ILDR1: variants seen among roughly 807,000 people sequenced by gnomAD.
The protein encoded by ILDR1 is immunoglobulin-like domain-containing receptor 1.
A neutral mutation model predicts 62.4 loss-of-function variants in ILDR1; 56 were observed. The observed-to-expected ratio is 0.90, with a 90% CI of 0.72 to 1.12. The LOEUF is 1.12. Among genes scored for constraint, ILDR1 ranks in the 50% most tolerant of loss-of-function variants. ILDR1 has a pLI of 0.00. For missense variants in ILDR1, 736 were observed against 710.6 expected (o/e 1.04, Z -0.41); for synonymous variants, 284 against 277.8 (o/e 1.02, Z -0.22).
chr3:121,996,025 CCTCT>C (rs2071431348), intron 5 of ILDR1, among the ~76,000 whole-genome samples: 1 of 152,124 alleles, frequency 6.6e-6, no homozygotes, highest in Non-Finnish European at 1.5e-5. Context: ...CCTCAATTTA[CCTCT>C]CTCTAACTCG....
Position 121,988,149 on chromosome 3 carries a change from G to A in ILDR1, c.*218C>T. 1.6e-6 allele frequency: 1 copy of A among 637,872 alleles called. No homozygotes were observed. The highest frequency in any genetic ancestry group is 2.9e-6 in the Non-Finnish European group (1 of 344,136). 39.5% of individuals were successfully genotyped at this position (637,872 alleles called of 1,614,324 possible). On this transcript the variant is annotated 3_prime_UTR_variant, in exon 8 of 8. Transcript: ENST00000344209. The stretch of plus-strand genomic sequence containing the variant: ...GCTGATCTTGAACTCCTAGTCTCAA[G>A]TGATTCTTAGCCTCCCAAAGTGCTG...
chr3:122,052,383 C>T, the ILDR1 span, among the ~76,000 whole-genome samples: 382 of 152,208 alleles, frequency 2.5e-3, 2 homozygotes, highest in African/African-American at 8.7e-3. Flanking sequence ...AGGGATAGGC[C>T]ACTGAACTGT....
chr3:122,042,068 C>G, the ILDR1 span, among the ~76,000 whole-genome samples: 54 of 102,750 alleles, frequency 5.3e-4, no homozygotes, highest in African/African-American at 2.0e-3. Flanking sequence ...CCTCCCCCCT[C>G]CCCCCACCCC....
chr3:121,993,117 T>A, intron 7 of ILDR1, 33 bp downstream of exon 7: 4 of 1,515,264 alleles, frequency 2.6e-6, no homozygotes, highest in Middle Eastern at 1.7e-4. Flanking sequence ...TCTCTGCCCA[T>A]GCCCAACCCT....
chr3:121,991,674 T>C (rs1243300558), intron 7 of ILDR1, among the ~76,000 whole-genome samples: 1 of 152,248 alleles, frequency 6.6e-6, no homozygotes, highest in Non-Finnish European at 1.5e-5. Context: ...TGTGAGAAGA[T>C]GACATAATTG....
chr3:122,009,917 G>A (rs1212677399), intron 1 of ILDR1, among the ~76,000 whole-genome samples: 1 of 152,192 alleles, frequency 6.6e-6, no homozygotes, highest in Non-Finnish European at 1.5e-5. Context: ...GAAATGACCT[G>A]ACCACCTATC....
At chr3:122,039,054 C>T in the ILDR1 span, among the ~76,000 whole-genome samples, 1 of 148,444 alleles carries the variant, frequency 6.7e-6, no homozygotes, top group African/African-American at 2.5e-5. Flanking sequence ...AACAGATATG[C>T]AGAGAGGAAA....
At chr3:122,005,209 A>ACC in intron 3 of ILDR1, 35 bp downstream of exon 3, 4 of 429,214 alleles carry the variant, frequency 9.3e-6, no homozygotes, top group Non-Finnish European at 1.2e-5. Flanking sequence ...ACCTCCCCCC[A>ACC]CCCCCAGTTC....
rs1576708741 is a variant in ILDR1 at position 121,987,824 on chromosome 3, T to G, written c.*543A>C. The G allele has an allele frequency of 4.5e-6, 1 of 219,790 alleles. No individual in the cohort carries two copies. Among genetic ancestry groups the G allele is most frequent in the East Asian group, 1.2e-4 (1 of 8,574 alleles). The allele number at this position is 219,790 out of a possible 1,614,324, so 13.6% of individuals were successfully genotyped here. ...GTCAGGGTCCATTACAAGTCAGAGA[T>G]TATATAAATATGCAAGAGAGCATGA... On this transcript the variant is annotated 3_prime_UTR_variant, in exon 8 of 8. Coordinates refer to ENST00000344209, the MANE Select transcript of ILDR1 (RefSeq NM_001199799.2).
the ILDR1 span, chr3:122,055,502 T>G: frequency 2.0e-5 from 32 of 1,613,784 alleles, no homozygotes; most frequent in Non-Finnish European, 2.7e-5. Flanking sequence ...GGATCCCCAG[T>G]GGTGAGTAAT....
the ILDR1 span, among the ~76,000 whole-genome samples, chr3:122,047,907 G>T: frequency 6.6e-6 from 1 of 152,218 alleles, no homozygotes; most frequent in African/African-American, 2.4e-5. Flanking sequence ...GTAGACCGGA[G>T]CTGTTCCTAT....
At chr3:122,048,664 T>G in the ILDR1 span, among the ~76,000 whole-genome samples, 3 of 152,258 alleles carry the variant, frequency 2.0e-5, no homozygotes, top group African/African-American at 7.2e-5. Context: ...AGGTTCTGTT[T>G]CTAGGAATGT....
chr3:122,044,896 GT>G, the ILDR1 span, among the ~76,000 whole-genome samples: 2 of 149,608 alleles, frequency 1.3e-5, no homozygotes, highest in Non-Finnish European at 3.0e-5. Flanking sequence ...TTTTTGAAGG[GT>G]TTTTTGTGTC....
the ILDR1 span, among the ~76,000 whole-genome samples, chr3:122,061,327 T>C: frequency 5.9e-5 from 9 of 152,354 alleles, no homozygotes; most frequent in Non-Finnish European, 1.3e-4. Flanking sequence ...AAATTGCTGA[T>C]ACTTTTTTTC....
Position 122,007,160 on chromosome 3 carries a change from C to A in ILDR1, c.60G>T (p.Gly20=). 1 of 1,614,112 alleles carries A rather than the reference C, an allele frequency of 6.2e-7. No individual in the cohort carries two copies. Among genetic ancestry groups the A allele is most frequent in the East Asian group, 2.2e-5 (1 of 44,880 alleles). ...GGACCGTCACAAGCAAGGACAGGCACCCTAAAGCCAAGAGCAGGAGAAAAT... is the reference window on the plus strand; with the variant it reads ...GGACCGTCACAAGCAAGGACAGGCAACCTAAAGCCAAGAGCAGGAGAAAAT... ...WLLLCTWLPA[G]CLSLLVTVQH... Residue 20 remains glycine (G), a splice_region_variant and synonymous_variant, in exon 2 of 8, where the codon GGG becomes GGT. Coordinates refer to ENST00000344209, the MANE Select transcript of ILDR1 (RefSeq NM_001199799.2).
chr3:122,035,077 C>T, the ILDR1 span, among the ~76,000 whole-genome samples: 8 of 152,162 alleles, frequency 5.3e-5, no homozygotes, highest in Admixed American at 5.2e-4. Flanking sequence ...AGAAAGTTTT[C>T]ATCACCAGGC....
chr3:122,049,273 G>T, the ILDR1 span, among the ~76,000 whole-genome samples: 1 of 152,120 alleles, frequency 6.6e-6, no homozygotes, highest in Non-Finnish European at 1.5e-5. Context: ...AATGTGATAG[G>T]ACTTGTTTTG....
chr3:121,988,483 G>T, intron 7 of ILDR1, 75 bp from the exon 8 acceptor site: 2 of 1,215,762 alleles, frequency 1.6e-6, no homozygotes, highest in Non-Finnish European at 2.4e-6. Flanking sequence ...CACATAATGT[G>T]CTCTTGATTT....
In ILDR1 at chr3:122,007,080, T is replaced by G. The variant is rs759179744; in HGVS notation, c.140A>C (p.Tyr47Ser). Reference sequence around the variant, plus strand: ...GTCCTGGAGCTGGGCAGAGGTGGTGTAGTCACATTTGAGGATGATAGAGGC... The same window carrying G: ...GTCCTGGAGCTGGGCAGAGGTGGTGGAGTCACATTTGAGGATGATAGAGGC... Reference protein sequence around the residue: ...LFASIILKCDYTTSAQLQDVV... With the variant: ...LFASIILKCDSTTSAQLQDVV... Residue 47 changes from tyrosine (Y) to serine (S), a missense_variant, in exon 2 of 8, where the codon TAC (tyrosine) becomes TCC (serine). Tyr to Ser is a moderately radical substitution (Grantham distance 144). Coordinates refer to ENST00000344209, the MANE Select transcript of ILDR1 (RefSeq NM_001199799.2). 1 of 1,613,982 alleles carries G rather than the reference T, an allele frequency of 6.2e-7. No homozygotes were observed. The highest frequency in any genetic ancestry group is 8.5e-7 in the Non-Finnish European group (1 of 1,179,914).
Sources: gnomAD v4.1 joint callset for allele counts (sites outside exome capture counted in the v4.1 genomes callset) on GRCh38, gnomAD v4.1.1 for gene constraint, MANE v1.5 for transcripts, NCBI Gene and HGNC (gene_info 2026-07-23, HGNC 2026-07-21) for gene names.